Variants in FSTL5 observed in about 807,000 individuals in gnomAD.
FSTL5 encodes the protein follistatin like 5.
A neutral mutation model predicts 89.1 loss-of-function variants in FSTL5; 62 were observed. The observed-to-expected ratio is 0.70, with a 90% CI of 0.57 to 0.86. The LOEUF (loss-of-function observed/expected upper bound fraction) is 0.86. Ranked by LOEUF, FSTL5 falls within the 40% of genes least tolerant of loss-of-function variation. FSTL5 has a pLI of 0.00. For synonymous variants in FSTL5, 383 were observed against 346.2 expected (o/e 1.11, Z -1.18); for missense variants, 1,057 against 1,001.6 (o/e 1.06, Z -0.75).
At chr4:161,804,567 C>T (rs867992729) in intron 4 of FSTL5, among the ~76,000 whole-genome samples, 26 of 151,336 alleles carry the variant, frequency 1.7e-4, no homozygotes, top group Middle Eastern at 3.4e-3. Flanking sequence ...ATCATACTTT[C>T]CCTATTTATT....
At position 162,036,494 on chromosome 4, in the gene FSTL5, G is replaced by T. The variant is rs140219771; in HGVS notation, c.127-2836C>A. 1.1e-4 allele frequency among the ~76,000 whole-genome samples: 17 copies of T among 152,114 alleles called. No homozygotes were observed. The East Asian group carries it at 2.1e-3, about 19-fold the overall frequency. Reference sequence around the variant, plus strand: ...AGTAGGTAGATAAAACTCACAGGACGTATTTCAACCAGATACATAAAGTTG... The same window carrying T: ...AGTAGGTAGATAAAACTCACAGGACTTATTTCAACCAGATACATAAAGTTG... On this transcript the variant is annotated intron_variant, in intron 2 of 15. Transcript: ENST00000306100.
intron 2 of FSTL5, among the ~76,000 whole-genome samples, chr4:162,053,571 A>T (rs879732611): frequency 6.6e-6 from 1 of 151,824 alleles, no homozygotes; most frequent in Non-Finnish European, 1.5e-5. Flanking sequence ...AATTTCAAAC[A>T]TTGAAATTCC....
chr4:161,860,750 G>T (rs964809960), intron 4 of FSTL5, among the ~76,000 whole-genome samples: 1 of 151,982 alleles, frequency 6.6e-6, no homozygotes, highest in African/African-American at 2.4e-5. Context: ...ATACTTACAT[G>T]GTCCACATTG....
At chr4:161,626,665 C>T (rs1177543184) in intron 7 of FSTL5, among the ~76,000 whole-genome samples, 3 of 152,142 alleles carry the variant, frequency 2.0e-5, no homozygotes, top group East Asian at 3.8e-4. Context: ...TTAAGAAACA[C>T]ATTTTGTATG....
At chr4:161,690,750 T>C (rs10857341) in intron 6 of FSTL5, among the ~76,000 whole-genome samples, 133,563 of 152,078 alleles carry the variant, frequency 0.88, 59,228 homozygotes, top group Non-Finnish European at 0.94. Context: ...ATTTCATTGC[T>C]CTCATGTTTA....
chr4:161,854,746 TCTATAAA>T (rs960471873), intron 4 of FSTL5, among the ~76,000 whole-genome samples: 1 of 152,102 alleles, frequency 6.6e-6, no homozygotes. Flanking sequence ...AGGGATGAAC[TCTATAAA>T]CTATGATACA....
intron 3 of FSTL5, chr4:162,032,433 A>C (rs571429476): frequency 9.2e-5 from 14 of 152,200 alleles, no homozygotes; most frequent in Non-Finnish European, 1.6e-4. Context: ...CGCATATAAA[A>C]TAACAAGCGA....
intron 1 of FSTL5, among the ~76,000 whole-genome samples, chr4:162,162,169 C>T (rs537154649): frequency 6.6e-6 from 1 of 151,912 alleles, no homozygotes; most frequent in Non-Finnish European, 1.5e-5. Context: ...GTAGTAAATA[C>T]AATGAAAAAT....
At position 161,650,594 on chromosome 4, in the gene FSTL5, C is replaced by T. The variant is rs537119432; in HGVS notation, c.894+5734G>A. The stretch of plus-strand genomic sequence containing the variant: ...TGGTATCGAACATGATCAACAATGC[C>T]ATATTGAATAGAATAAATGACATAC... On this transcript the variant is annotated intron_variant, in intron 7 of 15. Coordinates refer to ENST00000306100, the MANE Select transcript of FSTL5 (RefSeq NM_020116.5). Among the ~76,000 whole-genome samples the T allele has an allele frequency of 2.0e-5, 3 of 152,090 alleles. No homozygotes were observed. The South Asian group carries it at 6.2e-4, about 32-fold the overall frequency.
intron 3 of FSTL5, among the ~76,000 whole-genome samples, chr4:161,952,767 A>C (rs1734933158): frequency 6.6e-6 from 1 of 151,882 alleles, no homozygotes; most frequent in Non-Finnish European, 1.5e-5. Flanking sequence ...GAGACCTTTT[A>C]ATTTCTATCT....
intron 4 of FSTL5, among the ~76,000 whole-genome samples, chr4:161,820,014 C>T (rs1199581520): frequency 1.3e-5 from 2 of 151,802 alleles, no homozygotes; most frequent in Non-Finnish European, 2.9e-5. Context: ...TTTCTTTAAA[C>T]TTTTACTTTA....
intron 7 of FSTL5, among the ~76,000 whole-genome samples, chr4:161,636,866 TG>T (rs1317582543): frequency 2.9e-5 from 3 of 102,640 alleles, no homozygotes; most frequent in African/African-American, 4.2e-5. Context: ...CTATCATTGT[TG>T]GACATTTGGG....
chr4:161,797,982 T>C (rs1158577006), intron 4 of FSTL5, among the ~76,000 whole-genome samples: 1 of 151,652 alleles, frequency 6.6e-6, no homozygotes, highest in Non-Finnish European at 1.5e-5. Flanking sequence ...GTAATGCTCA[T>C]CATCAAACTA....
chr4:161,836,383 A>C (rs1157927652), intron 4 of FSTL5, among the ~76,000 whole-genome samples: 1 of 151,788 alleles, frequency 6.6e-6, no homozygotes, highest in East Asian at 1.9e-4. Flanking sequence ...GCAGCACACC[A>C]GCATGACACA....
In FSTL5 at chr4:162,043,571, T is replaced by A. The variant is rs1340627027; in HGVS notation, c.127-9913A>T. Among the ~76,000 whole-genome samples the A allele has an allele frequency of 3.3e-5, 5 of 152,238 alleles. No individual in the cohort carries two copies. The South Asian group carries it at 1.0e-3, about 32-fold the overall frequency. On this transcript the variant is annotated intron_variant, in intron 2 of 15. Transcript: ENST00000306100. ...TTGAAGGTTAGGGTGGATGTGGCAA[T>A]TTCTTAAAATAAAAAAAAAATGAAG... is the stretch of plus-strand genomic sequence containing the variant.
chr4:161,683,999 T>C (rs919705051), intron 6 of FSTL5, among the ~76,000 whole-genome samples: 2 of 152,204 alleles, frequency 1.3e-5, no homozygotes, highest in Non-Finnish European at 2.9e-5. Flanking sequence ...CATACGATGT[T>C]TGACTTTTCA....
intron 10 of FSTL5, among the ~76,000 whole-genome samples, chr4:161,525,591 T>A (rs966177951): frequency 1.3e-5 from 2 of 152,162 alleles, no homozygotes; most frequent in African/African-American, 4.8e-5. Flanking sequence ...AAAAATTTTT[T>A]TAAAAATATT....
chr4:161,756,128 T>A (rs931488402), intron 6 of FSTL5, among the ~76,000 whole-genome samples: 6 of 152,056 alleles, frequency 3.9e-5, no homozygotes, highest in Non-Finnish European at 7.4e-5. Context: ...GTTTGCTTGG[T>A]GACACCAAAA....
At chr4:162,116,996 A>G (rs917612029) in intron 1 of FSTL5, among the ~76,000 whole-genome samples, 1 of 152,180 alleles carries the variant, frequency 6.6e-6, no homozygotes, top group Non-Finnish European at 1.5e-5. Flanking sequence ...TAGAAAGGCT[A>G]TCACTCTTAC....
Sources: gnomAD v4.1 joint callset for allele counts (sites outside exome capture counted in the v4.1 genomes callset) on GRCh38, gnomAD v4.1.1 for gene constraint, MANE v1.5 for transcripts, NCBI Gene and HGNC (gene_info 2026-07-23, HGNC 2026-07-21) for gene names.